ADAM28: variants seen among roughly 807,000 people sequenced by gnomAD.
ADAM28 encodes ADAM metallopeptidase domain 28.
Under a neutral mutation model 101.2 loss-of-function variants are expected in ADAM28, and 105 were observed. The observed-to-expected ratio is 1.04, with a 90% CI of 0.89 to 1.22. The LOEUF (loss-of-function observed/expected upper bound fraction) is 1.22, where lower values mean the gene tolerates loss of function less well. ADAM28 is among the 50% of genes most tolerant of loss of function. The pLI is 0.00. For missense variants in ADAM28, 1,028 were observed against 945.4 expected (o/e 1.09, Z -1.15); for synonymous variants, 322 against 310.6 (o/e 1.04, Z -0.39).
In ADAM28 at chr8:24,294,141, T is replaced by A; in HGVS notation, c.-9T>A. 1 of 1,614,128 alleles carries A rather than the reference T, an allele frequency of 6.2e-7. No homozygotes were observed. The highest frequency in any genetic ancestry group is 8.5e-7 in the Non-Finnish European group (1 of 1,179,992). On this transcript the variant is annotated 5_prime_UTR_variant, in exon 1 of 23. Coordinates refer to ENST00000265769, the MANE Select transcript of ADAM28 (RefSeq NM_014265.6). ...AAGAGCAGACACCGTGCTCCTGGAA[T>A]CACCCAGCATGTTGCAAGGTCTCCT...
chr8:24,336,016 C>A (rs868647037), intron 14 of ADAM28: 1 of 1,009,702 alleles, frequency 9.9e-7, no homozygotes, highest in Non-Finnish European at 1.2e-6. Flanking sequence ...GATCATAAAC[C>A]CTTGGAAATC....
intron 2 of ADAM28, among the ~76,000 whole-genome samples, chr8:24,302,247 A>G (rs1228334645): frequency 1.3e-5 from 2 of 152,126 alleles, no homozygotes; most frequent in Non-Finnish European, 2.9e-5. Context: ...AGCTCCATCC[A>G]TGTGCCTGCA....
intron 20 of ADAM28, 139 bp from the exon 21 acceptor site, chr8:24,351,848 C>G: frequency 2.8e-6 from 2 of 712,928 alleles, no homozygotes; most frequent in Non-Finnish European, 2.3e-6. Flanking sequence ...AGCAGGACCA[C>G]TGTGATTTTC....
At chr8:24,346,318 C>G (rs190537201) in intron 18 of ADAM28, among the ~76,000 whole-genome samples, 1 of 152,084 alleles carries the variant, frequency 6.6e-6, no homozygotes, top group Admixed American at 6.6e-5. Flanking sequence ...GAATGTATCT[C>G]CAAATACCCC....
chr8:24,341,785 A>C, intron 16 of ADAM28, 28 bp downstream of exon 16: 1 of 1,613,018 alleles, frequency 6.2e-7, no homozygotes, highest in Non-Finnish European at 8.5e-7. Flanking sequence ...CTTTCACTCA[A>C]AATAGTGTTT....
intron 9 of ADAM28, among the ~76,000 whole-genome samples, chr8:24,324,793 T>C (rs1812327699): frequency 6.6e-6 from 1 of 152,012 alleles, no homozygotes; most frequent in Admixed American, 6.6e-5. Flanking sequence ...TTCATGTGCC[T>C]AACTTGAGTT....
chr8:24,340,847 C>T (rs926255046), intron 15 of ADAM28: 3 of 152,134 alleles, frequency 2.0e-5, no homozygotes, highest in Admixed American at 6.5e-5. Flanking sequence ...TTTTCACAGC[C>T]CTCTTCCGAA....
intron 9 of ADAM28, among the ~76,000 whole-genome samples, chr8:24,325,895 A>C (rs1409989344): frequency 6.1e-5 from 9 of 146,714 alleles, no homozygotes; most frequent in South Asian, 2.1e-4. Context: ...AAAAAAAAAA[A>C]AAAAACCAAA....
chr8:24,346,461 T>C (rs983573636), intron 18 of ADAM28, among the ~76,000 whole-genome samples: 2 of 152,098 alleles, frequency 1.3e-5, no homozygotes, highest in African/African-American at 4.8e-5. Flanking sequence ...TATCCCAACA[T>C]CAATAGCTTC....
At chr8:24,348,353 C>T (rs1815666754) in intron 18 of ADAM28, among the ~76,000 whole-genome samples, 1 of 152,108 alleles carries the variant, frequency 6.6e-6, no homozygotes, top group Non-Finnish European at 1.5e-5. Flanking sequence ...ATCAACATCC[C>T]CCATTCTCGT....
chr8:24,349,853 C>T lies in ADAM28; in HGVS notation c.1991-11C>T, dbSNP rs959749731. ...CTGCAGTCCTCAGCGGGCCCCTGTTCTCTGCTGCAGACTTCTCCATTGTGG... is the reference window on the plus strand; with the variant it reads ...CTGCAGTCCTCAGCGGGCCCCTGTTTTCTGCTGCAGACTTCTCCATTGTGG... On this transcript the variant is annotated splice_polypyrimidine_tract_variant and intron_variant, in intron 18 of 22. Coordinates refer to ENST00000265769, the MANE Select transcript of ADAM28 (RefSeq NM_014265.6). 2.5e-6 allele frequency: 4 copies of T among 1,612,358 alleles called. No homozygotes were observed. Among genetic ancestry groups the T allele is most frequent in the African/African-American group, 2.7e-5 (2 of 74,832 alleles).
chr8:24,321,051 T>C (rs889233706), intron 7 of ADAM28, among the ~76,000 whole-genome samples, 167 bp from the exon 8 acceptor site: 9 of 151,994 alleles, frequency 5.9e-5, no homozygotes, highest in Non-Finnish European at 1.2e-4. Context: ...AGTGCTTTAA[T>C]GTAGCTAGAT....
intron 9 of ADAM28, among the ~76,000 whole-genome samples, chr8:24,325,871 C>CAAAAAAAAAAAAAAAAAAAAAAA (rs5890146): frequency 9.8e-5 from 2 of 20,414 alleles, no homozygotes; most frequent in African/African-American, 2.2e-4. Flanking sequence ...GTACAGATAG[C>CAAAAAAAAAAAAAAAAAAAAAAA]AAAAAAAAAA....
intron 2 of ADAM28, among the ~76,000 whole-genome samples, chr8:24,309,149 ATACCAATAT>A (rs1303350713): frequency 2.0e-5 from 3 of 152,206 alleles, no homozygotes; most frequent in Non-Finnish European, 2.9e-5. Context: ...CTCTCCTTAT[ATACCAATAT>A]CCAAGTTTAA....
rs780642852 is a variant in ADAM28, at chr8:24,335,441, T to C, written c.1372-5T>C. The C allele has an allele frequency of 6.3e-7, 1 of 1,596,362 alleles. No individual in the cohort carries two copies. Among genetic ancestry groups the C allele is most frequent in the East Asian group, 2.2e-5 (1 of 44,518 alleles). On this transcript the variant is annotated splice_polypyrimidine_tract_variant and splice_region_variant and intron_variant, in intron 13 of 22. Coordinates refer to ENST00000265769, the MANE Select transcript of ADAM28 (RefSeq NM_014265.6). ...AAAAAGCCTTCTATTTTTGTTTTTC[T>C]ACAGTTTAAAAAGGCTGGGATGGTG...
chr8:24,330,948 T>C (rs1011050165), intron 11 of ADAM28, among the ~76,000 whole-genome samples: 1 of 152,164 alleles, frequency 6.6e-6, no homozygotes, highest in African/African-American at 2.4e-5. Context: ...ATGCTACACA[T>C]TGAAATATGA....
intron 9 of ADAM28, among the ~76,000 whole-genome samples, chr8:24,325,871 C>CAAAAAAAAAAAAAAAAAAAAA (rs5890146): frequency 2.9e-4 from 6 of 20,418 alleles, no homozygotes; most frequent in African/African-American, 6.6e-4. Context: ...GTACAGATAG[C>CAAAAAAAAAAAAAAAAAAAAA]AAAAAAAAAA....
At position 24,320,280 on chromosome 8, in the gene ADAM28, A is replaced by C; in HGVS notation, c.621A>C (p.Glu207Asp). 1 of 1,604,068 alleles carries C rather than the reference A, an allele frequency of 6.2e-7. No homozygotes were observed. The highest frequency in any genetic ancestry group is 8.5e-7 in the Non-Finnish European group (1 of 1,172,642). ...TTCAGGAACATGAGAAATACATAGA[A>C]TATTATTTGGTCCTGGATAATGGTG... ...RKVQEHEKYI[E>D]YYLVLDNGEF... is the part of the protein sequence containing the mutation. The change falls in exon 7 of 23, where the codon GAA becomes GAC. Residue 207 changes from glutamate (E) to aspartate (D), a missense_variant. By Grantham distance (45) the Glu-to-Asp change is conservative. Transcript: ENST00000265769.
At chr8:24,323,173 A>G (rs1222271540) in intron 8 of ADAM28, among the ~76,000 whole-genome samples, 2 of 151,818 alleles carry the variant, frequency 1.3e-5, no homozygotes, top group Admixed American at 6.6e-5. Flanking sequence ...GTGCCTTTAT[A>G]TGGTAGAAAG....
Sources: allele counts gnomAD v4.1 joint callset (sites outside exome capture counted in the v4.1 genomes callset), GRCh38; gene constraint gnomAD v4.1.1; transcripts MANE v1.5; gene names NCBI Gene and HGNC (gene_info 2026-07-23, HGNC 2026-07-21).